MAN1A2: variants seen among roughly 807,000 people sequenced by gnomAD.
MAN1A2 encodes mannosyl-oligosaccharide 1,2-alpha-mannosidase IB.
Under a neutral mutation model 75.7 loss-of-function variants are expected in MAN1A2, and 26 were observed. That is an observed-to-expected ratio of 0.34 (90% confidence interval 0.25 to 0.48). The LOEUF (loss-of-function observed/expected upper bound fraction) is 0.48, where lower values mean the gene tolerates loss of function less well. MAN1A2 is among the 20% of genes least tolerant of loss of function. The pLI is 0.99. For missense variants in MAN1A2, 562 were observed against 775.5 expected (o/e 0.72, Z 3.27); for synonymous variants, 247 against 264.6 (o/e 0.93, Z 0.65).
At chr1:117,486,162 A>G (rs530046630) in intron 8 of MAN1A2, among the ~76,000 whole-genome samples, 1 of 152,176 alleles carries the variant, frequency 6.6e-6, no homozygotes, top group East Asian at 1.9e-4. Context: ...GGACATGACA[A>G]TACGGTTACA....
Position 117,522,895 on chromosome 1 carries a change from C to A in MAN1A2, c.1864C>A (p.His622Asn). Residue 622 changes from histidine to asparagine, a missense_variant, in exon 13 of 13, where the codon CAC (histidine) becomes AAC (asparagine). This residue lies in a region of MAN1A2 where 434 missense variants were observed against 645.7 expected (regional missense o/e 0.67). Coordinates refer to ENST00000356554, the MANE Select transcript of MAN1A2 (RefSeq NM_006699.5). ...LDHWVFNTEA[H>N]PLPVLHLANT... The stretch of plus-strand genomic sequence containing the variant: ...CCACTGGGTGTTTAATACAGAGGCT[C>A]ACCCTCTGCCTGTGTTACATTTAGC... The A allele has an allele frequency of 6.2e-7, 1 of 1,610,846 alleles. No homozygotes were observed. Among genetic ancestry groups the A allele is most frequent in the Non-Finnish European group, 8.5e-7 (1 of 1,177,600 alleles).
intron 12 of MAN1A2, chr1:117,515,572 A>G (rs1377012748): frequency 6.6e-6 from 1 of 152,170 alleles, no homozygotes; most frequent in Admixed American, 6.6e-5. Flanking sequence ...GCCTGAAAAA[A>G]TACCTTTAAA....
intron 12 of MAN1A2, among the ~76,000 whole-genome samples, chr1:117,521,325 A>G (rs1009208352): frequency 2.6e-5 from 4 of 152,116 alleles, no homozygotes; most frequent in African/African-American, 9.7e-5. Context: ...TAATTAAACC[A>G]AAGAGCTTTT....
intron 5 of MAN1A2, among the ~76,000 whole-genome samples, chr1:117,440,618 CTG>C (rs2101811382): frequency 1.3e-5 from 2 of 151,924 alleles, no homozygotes; most frequent in South Asian, 4.2e-4. Flanking sequence ...TCTACTATAA[CTG>C]TTTATATGTT....
intron 3 of MAN1A2, among the ~76,000 whole-genome samples, chr1:117,407,429 C>T (rs867642724): frequency 6.6e-6 from 1 of 151,282 alleles, no homozygotes; most frequent in African/African-American, 2.4e-5. Context: ...CTAAGAGAAG[C>T]GTGGTAAGTA....
At chr1:117,421,138 C>A (rs1648174324) in intron 5 of MAN1A2, among the ~76,000 whole-genome samples, 1 of 151,890 alleles carries the variant, frequency 6.6e-6, no homozygotes, top group Non-Finnish European at 1.5e-5. Context: ...ACACTTGAGA[C>A]CTAAGGTGAT....
chr1:117,389,345 A>T (rs1031134654), intron 1 of MAN1A2, among the ~76,000 whole-genome samples: 2 of 152,146 alleles, frequency 1.3e-5, no homozygotes, highest in African/African-American at 4.8e-5. Flanking sequence ...CTTCAGGGTG[A>T]AACTGTTCCA....
At chr1:117,484,603 C>T (rs1650614444) in intron 8 of MAN1A2, among the ~76,000 whole-genome samples, 1 of 151,954 alleles carries the variant, frequency 6.6e-6, no homozygotes, top group Non-Finnish European at 1.5e-5. Context: ...GCTCTTAACA[C>T]TTGAGTTCAC....
At chr1:117,415,689 C>G (rs2101772685) in intron 4 of MAN1A2, among the ~76,000 whole-genome samples, 1 of 151,866 alleles carries the variant, frequency 6.6e-6, no homozygotes, top group East Asian at 1.9e-4. Flanking sequence ...AAATCAAGTA[C>G]AGAGTTAAGC....
rs146963865 is a variant in MAN1A2, at chr1:117,483,646, C to T, written c.1169-9501C>T. The stretch of plus-strand genomic sequence containing the variant: ...AGCTTAAGGAGATTTTGGGCTGAGA[C>T]GATGGGGTTTTCTAAACATACAATC... On this transcript the variant is annotated intron_variant, in intron 8 of 12. Transcript: ENST00000356554. Among the ~76,000 whole-genome samples the T allele has an allele frequency of 6.0e-3, 909 of 152,134 alleles. 12 individuals carry two copies. The highest frequency in any genetic ancestry group is 0.021 in the African/African-American group (860 of 41,522).
intron 6 of MAN1A2, 122 bp downstream of exon 6, chr1:117,442,447 A>C: frequency 1.7e-6 from 1 of 603,942 alleles, no homozygotes; most frequent in Non-Finnish European, 2.9e-6. Context: ...TCTATATATA[A>C]TCTTTGTTTT....
chr1:117,423,718 T>C (rs1461116504), intron 5 of MAN1A2, among the ~76,000 whole-genome samples: 1 of 152,284 alleles, frequency 6.6e-6, no homozygotes, highest in African/African-American at 2.4e-5. Flanking sequence ...ACATTTTGTT[T>C]CTTCTAGAAA....
chr1:117,458,071 C>CT (rs753438669), intron 6 of MAN1A2, among the ~76,000 whole-genome samples: 4 of 152,082 alleles, frequency 2.6e-5, no homozygotes, highest in Non-Finnish European at 4.4e-5. Flanking sequence ...TGTAAAAAGC[C>CT]TTTTTTGTAA....
In MAN1A2 at chr1:117,368,093, T is replaced by G; in HGVS notation, c.-91T>G. ...AGAGGAGCAAAATTGAGTTTTCCCA[T>G]TTTGGCCAAGATTTTGAAGACAGTT... On this transcript the variant is annotated 5_prime_UTR_variant, in exon 1 of 13. Coordinates refer to ENST00000356554, the MANE Select transcript of MAN1A2 (RefSeq NM_006699.5). 7.5e-7 allele frequency: 1 copy of G among 1,326,910 alleles called. No individual in the cohort carries two copies. Among genetic ancestry groups the G allele is most frequent in the African/African-American group, 1.5e-5 (1 of 68,050 alleles). The allele number at this position is 1,326,910 out of a possible 1,614,324, so 82.2% of individuals were successfully genotyped here. A position where few individuals can be genotyped will look rare whatever the true frequency, so the allele number is the denominator to read the frequency against.
intron 12 of MAN1A2, among the ~76,000 whole-genome samples, chr1:117,509,203 A>G (rs1651459720): frequency 6.6e-6 from 1 of 151,916 alleles, no homozygotes; most frequent in Admixed American, 6.6e-5. Flanking sequence ...ATTAGAAATT[A>G]TTAAGAAAAA....
intron 8 of MAN1A2, among the ~76,000 whole-genome samples, chr1:117,473,084 T>G (rs1454557447): frequency 6.6e-6 from 1 of 152,000 alleles, no homozygotes; most frequent in Non-Finnish European, 1.5e-5. Flanking sequence ...TACTTGACAT[T>G]TTTACTTAAA....
intron 1 of MAN1A2, among the ~76,000 whole-genome samples, chr1:117,377,773 G>A (rs1278913643): frequency 2.6e-5 from 4 of 152,272 alleles, no homozygotes; most frequent in African/African-American, 9.6e-5. Context: ...TTTTATAATA[G>A]TATGCTTTCA....
In MAN1A2 at chr1:117,527,591, G is replaced by A. The variant is rs1483231229; in HGVS notation, c.*4634G>A. 1.3e-5 allele frequency: 2 copies of A among 152,020 alleles called. No homozygotes were observed. Among genetic ancestry groups the A allele is most frequent in the East Asian group, 1.9e-4 (1 of 5,186 alleles). 9.4% of individuals were successfully genotyped at this position (152,020 alleles called of 1,614,324 possible). On this transcript the variant is annotated 3_prime_UTR_variant, in exon 13 of 13. Coordinates refer to ENST00000356554, the MANE Select transcript of MAN1A2 (RefSeq NM_006699.5). Reference sequence around the variant, plus strand: ...ACGATTGACTATAATGAAAGAGACAGAATAGGGTAAGGGAAGATGGGTATG... The same window carrying A: ...ACGATTGACTATAATGAAAGAGACAAAATAGGGTAAGGGAAGATGGGTATG...
chr1:117,388,569 G>A (rs954100771), intron 1 of MAN1A2, among the ~76,000 whole-genome samples: 1 of 152,098 alleles, frequency 6.6e-6, no homozygotes, highest in Admixed American at 6.5e-5. Flanking sequence ...AGGAGCAAGA[G>A]CGAGAGAGTG....
Sources: gnomAD v4.1 joint callset for allele counts (sites outside exome capture counted in the v4.1 genomes callset) on GRCh38, gnomAD v4.1.1 for gene constraint, gnomAD v4.1.1 regional missense constraint, MANE v1.5 for transcripts, NCBI Gene and HGNC (gene_info 2026-07-23, HGNC 2026-07-21) for gene names.